SP1: variants seen among roughly 807,000 people sequenced by gnomAD.
SP1 encodes the protein transcription factor Sp1.
SP1 carries 6 observed loss-of-function variants against 66.3 expected under a neutral mutation model. The observed-to-expected ratio is 0.09, with a 90% CI of 0.05 to 0.18. The LOEUF (loss-of-function observed/expected upper bound fraction) is 0.18, where lower values mean the gene tolerates loss of function less well. SP1 is among the 10% of genes least tolerant of loss of function. The pLI is 1.00. For synonymous variants in SP1, 417 were observed against 360.8 expected (o/e 1.16, Z -1.77); for missense variants, 848 against 964.5 (o/e 0.88, Z 1.60).
chr12:53,406,698 C>T lies in SP1; in HGVS notation c.1789C>T (p.Arg597Trp), dbSNP rs1160073243. The change falls in exon 4 of 6, where the codon CGG becomes TGG. Residue 597 changes from arginine (R) to tryptophan (W), a missense_variant. This residue lies in a region of SP1 where 26 missense variants were observed against 49.2 expected (regional missense o/e 0.53). Coordinates refer to ENST00000327443, the MANE Select transcript of SP1 (RefSeq NM_138473.3). ...NSPDAQPQAG[R>W]RTRREACTCP... Reference sequence around the variant, plus strand: ...CCCAGATGCCCAACCCCAAGCCGGTCGGAGGACCCGGCGGGAAGCATGCAC... The same window carrying T: ...CCCAGATGCCCAACCCCAAGCCGGTTGGAGGACCCGGCGGGAAGCATGCAC... The T allele has an allele frequency of 6.2e-7, 1 of 1,613,888 alleles. No individual in the cohort carries two copies. The highest frequency in any genetic ancestry group is 8.5e-7 in the Non-Finnish European group (1 of 1,180,014).
intron 4 of SP1, among the ~76,000 whole-genome samples, chr12:53,407,826 C>T (rs1592572394): frequency 6.6e-6 from 1 of 150,808 alleles, no homozygotes; most frequent in Admixed American, 6.6e-5. Context: ...TTAGTAGAGA[C>T]GGGGTTTCAC....
At chr12:53,405,440 G>A (rs188605640) in intron 3 of SP1, among the ~76,000 whole-genome samples, 61 of 152,192 alleles carry the variant, frequency 4.0e-4, no homozygotes, top group African/African-American at 1.4e-3. Flanking sequence ...AGGCCGAGGC[G>A]GGTGGATCAC....
At chr12:53,390,224 GCGTCTTT>G in intron 3 of SP1, among the ~76,000 whole-genome samples, 1 of 152,168 alleles carries the variant, frequency 6.6e-6, no homozygotes, top group African/African-American at 2.4e-5. Context: ...GAATGTTTCT[GCGTCTTT>G]TGTCTTTCCC....
intron 3 of SP1, among the ~76,000 whole-genome samples, chr12:53,403,085 T>A (rs1437290622): frequency 6.6e-6 from 1 of 150,932 alleles, no homozygotes; most frequent in South Asian, 2.1e-4. Flanking sequence ...GAGGCGGAGG[T>A]GGCAGTGGAC....
intron 4 of SP1, among the ~76,000 whole-genome samples, 189 bp from the exon 5 acceptor site, chr12:53,409,173 C>T (rs542703223): frequency 2.0e-5 from 3 of 152,138 alleles, no homozygotes; most frequent in South Asian, 2.1e-4. Flanking sequence ...TGCAGTGAGC[C>T]GTGATCATGC....
intron 3 of SP1, among the ~76,000 whole-genome samples, chr12:53,387,231 G>A (rs939415868): frequency 2.6e-5 from 4 of 152,190 alleles, no homozygotes; most frequent in South Asian, 2.1e-4. Context: ...GATTACAGGC[G>A]TGAGCCACTG....
At chr12:53,409,677 G>A in intron 5 of SP1, 116 bp downstream of exon 5, 1 of 858,300 alleles carries the variant, frequency 1.2e-6, no homozygotes, top group Non-Finnish European at 1.8e-6. Flanking sequence ...GAATATATGG[G>A]TCACAAATGG....
chr12:53,385,912 C>CA (rs201937295), intron 3 of SP1, among the ~76,000 whole-genome samples: 25,372 of 101,564 alleles, frequency 0.25, 2,208 homozygotes, highest in Admixed American at 0.28. Context: ...GACTCCGTCT[C>CA]AAAAAAAAAA....
At chr12:53,391,862 G>T (rs1938361188) in intron 3 of SP1, among the ~76,000 whole-genome samples, 1 of 151,570 alleles carries the variant, frequency 6.6e-6, no homozygotes, top group Non-Finnish European at 1.5e-5. Flanking sequence ...TTTGTTTTCT[G>T]TTCCAGCGTT....
At chr12:53,405,557 C>A (rs1009932372) in intron 3 of SP1, among the ~76,000 whole-genome samples, 3 of 152,024 alleles carry the variant, frequency 2.0e-5, no homozygotes, top group African/African-American at 7.2e-5. Context: ...GTAGTTGCAG[C>A]TACTTGGGAG....
chr12:53,401,918 C>T (rs547502977), intron 3 of SP1, among the ~76,000 whole-genome samples: 1 of 152,296 alleles, frequency 6.6e-6, no homozygotes, highest in South Asian at 2.1e-4. Context: ...ATCTGTCCAG[C>T]TCGGCCTTGT....
chr12:53,408,720 C>CA (rs1938810073), intron 4 of SP1, among the ~76,000 whole-genome samples: 2 of 150,936 alleles, frequency 1.3e-5, no homozygotes, highest in African/African-American at 4.9e-5. Flanking sequence ...TCCTGGCTAA[C>CA]ATGGTGAAAC....
rs370904794 is a variant in SP1, at chr12:53,381,725, A to G, written c.74A>G (p.Asn25Ser). The G allele has an allele frequency of 2.5e-5, 40 of 1,613,926 alleles. No individual in the cohort carries two copies. Among genetic ancestry groups the G allele is most frequent in the Non-Finnish European group, 3.3e-5 (39 of 1,179,926 alleles). The change falls in exon 2 of 6, where the codon AAT becomes AGT. Residue 25 changes from asparagine (N) to serine (S), a missense_variant. Transcript: ENST00000327443. ...VKIEKGVGGN[N>S]GGNGNGGGAF... is the part of the protein sequence containing the mutation. ...ATTGAAAAAGGAGTTGGTGGCAATA[A>G]TGGGGGCAATGGTAATGGTGGTGGT... is the stretch of plus-strand genomic sequence containing the variant.
chr12:53,404,858 C>T (rs1244385009), intron 3 of SP1, among the ~76,000 whole-genome samples: 1 of 151,598 alleles, frequency 6.6e-6, no homozygotes, highest in African/African-American at 2.4e-5. Context: ...TATTTGGCGA[C>T]GAAGTCTCGC....
In SP1 at chr12:53,383,179, C is replaced by T. The variant is rs1428198536; in HGVS notation, c.1232C>T (p.Ala411Val). The T allele has an allele frequency of 6.2e-7, 1 of 1,613,980 alleles. No homozygotes were observed. Among genetic ancestry groups the T allele is most frequent in the Non-Finnish European group, 8.5e-7 (1 of 1,179,840 alleles). ...IQPQLVQGGQ[A>V]LQALQAAPLS... ...CCTCAGCTAGTTCAAGGGGGACAGG[C>T]CCTCCAGGCCCTCCAAGCAGCACCA... The change falls in exon 3 of 6, where the codon GCC (alanine) becomes GTC (valine). Residue 411 changes from alanine to valine, a missense_variant. Coordinates refer to ENST00000327443, the MANE Select transcript of SP1 (RefSeq NM_138473.3).
rs775362852 is a variant in SP1 at position 53,411,230 on chromosome 12, A to G, written c.2348A>G (p.Asn783Ser). 10 of 1,609,862 alleles carry G rather than the reference A, an allele frequency of 6.2e-6. No individual in the cohort carries two copies. Among genetic ancestry groups the G allele is most frequent in the Non-Finnish European group, 8.5e-6 (10 of 1,177,720 alleles). The change falls in exon 6 of 6, where the codon AAT becomes AGT. Residue 783 changes from asparagine (N) to serine (S), a missense_variant. By Grantham distance (46) the Asn-to-Ser change is conservative. This residue lies in a region of SP1 where 73 missense variants were observed against 91.9 expected (regional missense o/e 0.79). Transcript: ENST00000327443. ...CTGCAGTCCATTAATATCAGTGGCA[A>G]TGGCTTCTGAGATCAGGCACCCGGG... is the stretch of plus-strand genomic sequence containing the variant. The part of the protein sequence containing the change: ...ADLQSINISG[N>S]GF
intron 3 of SP1, among the ~76,000 whole-genome samples, chr12:53,395,556 A>G (rs1231291592): frequency 6.6e-6 from 1 of 152,224 alleles, no homozygotes; most frequent in Non-Finnish European, 1.5e-5. Context: ...TGAGAAAAGT[A>G]TAAAAGTAAA....
In SP1 at chr12:53,411,215, T is replaced by C. The variant is rs1260842744; in HGVS notation, c.2333T>C (p.Ile778Thr). ...NVMQVADLQS[I>T]NISGNGF The stretch of plus-strand genomic sequence containing the variant: ...ATGCAGGTGGCAGATCTGCAGTCCA[T>C]TAATATCAGTGGCAATGGCTTCTGA... The change falls in exon 6 of 6, where the codon ATT (isoleucine) becomes ACT (threonine). Residue 778 changes from isoleucine to threonine, a missense_variant. Physicochemically the swap from Ile to Thr is moderately conservative, Grantham distance 89. Transcript: ENST00000327443. 6.2e-7 allele frequency: 1 copy of C among 1,612,250 alleles called. No homozygotes were observed.
chr12:53,398,166 A>G (rs1231164891), intron 3 of SP1, among the ~76,000 whole-genome samples: 1 of 152,250 alleles, frequency 6.6e-6, no homozygotes, highest in Non-Finnish European at 1.5e-5. Flanking sequence ...ATAGATATAC[A>G]AATACATATG....
Sources: gnomAD v4.1 joint callset for allele counts (sites outside exome capture counted in the v4.1 genomes callset) on GRCh38, gnomAD v4.1.1 for gene constraint, gnomAD v4.1.1 regional missense constraint, MANE v1.5 for transcripts, NCBI Gene and HGNC (gene_info 2026-07-23, HGNC 2026-07-21) for gene names.